GRAMD1C: variants seen among roughly 807,000 people sequenced by gnomAD.
GRAMD1C encodes GRAM domain containing 1C, also known as protein Aster-C.
In GRAMD1C, 89 loss-of-function variants were observed where a neutral mutation model predicts 97.8. The ratio of observed to expected loss-of-function variants is 0.91; its 90% confidence interval spans 0.77 to 1.09. The LOEUF is 1.09. Ranked by LOEUF, GRAMD1C falls within the 50% of genes least tolerant of loss-of-function variation. GRAMD1C has a pLI of 0.00. For synonymous variants in GRAMD1C, 256 were observed against 267.0 expected (o/e 0.96, Z 0.40); for missense variants, 740 against 766.4 (o/e 0.97, Z 0.41).
At chr3:113,945,365 T>C (rs1450169211) in intron 17 of GRAMD1C, 33 bp from the exon 18 acceptor site, 2 of 1,367,026 alleles carry the variant, frequency 1.5e-6, no homozygotes, top group East Asian at 4.6e-5. Context: ...TTAGAAAAAT[T>C]AATCTGATTT....
At chr3:113,921,034 T>C (rs1011004090) in intron 10 of GRAMD1C, among the ~76,000 whole-genome samples, 1 of 152,164 alleles carries the variant, frequency 6.6e-6, no homozygotes, top group Non-Finnish European at 1.5e-5. Flanking sequence ...TGGTACCCAA[T>C]AGGTAGTTTT....
At chr3:113,930,194 T>A (rs1412974282) in intron 10 of GRAMD1C, among the ~76,000 whole-genome samples, 3 of 152,214 alleles carry the variant, frequency 2.0e-5, no homozygotes, top group African/African-American at 7.2e-5. Context: ...TTATGTTCCA[T>A]TGCCTTACTG....
rs1935316709 is a variant in GRAMD1C, at chr3:113,882,852, G to A, written c.540+20G>A. On this transcript the variant is annotated intron_variant, in intron 6 of 17. Coordinates refer to ENST00000358160, the MANE Select transcript of GRAMD1C (RefSeq NM_017577.5). ...GATAAGGTAAGTGTTCATACCAGAGGCAGTTGCTTATTATAAGAACCTCCT... is the reference window on the plus strand; with the variant it reads ...GATAAGGTAAGTGTTCATACCAGAGACAGTTGCTTATTATAAGAACCTCCT... The A allele has an allele frequency of 8.1e-7, 1 of 1,229,564 alleles. No homozygotes were observed. Among genetic ancestry groups the A allele is most frequent in the South Asian group, 1.3e-5 (1 of 77,400 alleles). The allele number at this position is 1,229,564 out of a possible 1,614,324, so 76.2% of individuals were successfully genotyped here.
chr3:113,897,797 C>G (rs1935998421), intron 6 of GRAMD1C: 1 of 978,528 alleles, frequency 1.0e-6, no homozygotes, highest in Non-Finnish European at 1.2e-6. Context: ...AAGGGAGAGA[C>G]TCTCCTTGGT....
rs770757111 is a variant in GRAMD1C at position 113,936,350 on chromosome 3, G to T, written c.1541G>T (p.Arg514Leu). The T allele has an allele frequency of 1.2e-6, 2 of 1,612,200 alleles. No individual in the cohort carries two copies. Among genetic ancestry groups the T allele is most frequent in the South Asian group, 1.1e-5 (1 of 91,058 alleles). ...CTTACTGGCCTACGAAGGAGAAGGC[G>T]AACCTTCAACCGAACAGCAGAAACA... ...GKLTGLRRRR[R>L]TFNRTAETVP... Residue 514 changes from arginine to leucine, a missense_variant, in exon 14 of 18, where the codon CGA becomes CTA. Physicochemically the swap from Arg to Leu is moderately radical, Grantham distance 102 (BLOSUM62 -2). Transcript: ENST00000358160.
chr3:113,885,494 T>C (rs1935440034), intron 6 of GRAMD1C: 1 of 1,605,610 alleles, frequency 6.2e-7, no homozygotes, highest in Admixed American at 1.7e-5. Context: ...ATCCTGGTGC[T>C]GGATCTGGAT....
At chr3:113,931,503 C>T (rs1001687772) in intron 11 of GRAMD1C, among the ~76,000 whole-genome samples, 11 of 151,886 alleles carry the variant, frequency 7.2e-5, no homozygotes, top group South Asian at 4.2e-4. Context: ...GGATTACAGG[C>T]GCACGCCACC....
In GRAMD1C at chr3:113,875,831, A is replaced by G. The variant is rs369129443; in HGVS notation, c.363+244A>G. ...TTTAATTGAAAAAAAGCTTGAACAT[A>G]TATCTTAATGGCTGCCAAAACCATG... On this transcript the variant is annotated intron_variant, in intron 4 of 17. Coordinates refer to ENST00000358160, the MANE Select transcript of GRAMD1C (RefSeq NM_017577.5). 2.0e-5 allele frequency: 8 copies of G among 405,540 alleles called. No individual in the cohort carries two copies. In the South Asian group the frequency reaches 4.2e-4, roughly 21 times the overall value. 25.1% of individuals were successfully genotyped at this position (405,540 alleles called of 1,614,324 possible).
upstream of GRAMD1C, among the ~76,000 whole-genome samples, chr3:113,833,949 C>G (rs1305035081): frequency 1.3e-5 from 2 of 152,138 alleles, no homozygotes; most frequent in Non-Finnish European, 2.9e-5. Context: ...CACAGAATTC[C>G]AAATTCTAAT....
At chr3:113,874,412 G>C (rs1325192717) in intron 3 of GRAMD1C, among the ~76,000 whole-genome samples, 1 of 151,594 alleles carries the variant, frequency 6.6e-6, no homozygotes, top group Non-Finnish European at 1.5e-5. Context: ...GGAGTGGCAC[G>C]ATCTTGGCTC....
intron 6 of GRAMD1C, chr3:113,885,605 T>C: frequency 1.3e-6 from 2 of 1,527,814 alleles, no homozygotes; most frequent in Non-Finnish European, 1.8e-6. Flanking sequence ...ACAAACATTC[T>C]GTCCGGTTTT....
chr3:113,911,190 G>GCA (rs1936561452), intron 9 of GRAMD1C, among the ~76,000 whole-genome samples: 2 of 7,022 alleles, frequency 2.8e-4, no homozygotes, highest in Admixed American at 2.3e-3. Context: ...ACACACACAC[G>GCA]CACACGAGAG....
chr3:113,831,173 A>G (rs374180386), intron 1 of GRAMD1C, among the ~76,000 whole-genome samples: 15 of 152,316 alleles, frequency 9.8e-5, no homozygotes, highest in African/African-American at 3.1e-4. Context: ...TGTCCCAGTA[A>G]TGTTCTTTAT....
chr3:113,886,099 A>T (rs1935466378), intron 6 of GRAMD1C: 2 of 1,487,900 alleles, frequency 1.3e-6, no homozygotes, highest in African/African-American at 1.4e-5. Context: ...AGCCCTTGGG[A>T]TGCCATCTGA....
rs1028157410 is a variant in GRAMD1C at position 113,941,914 on chromosome 3, C to T, written c.1908+1569C>T. Among the ~76,000 whole-genome samples, 7 of 150,472 alleles carry T rather than the reference C, an allele frequency of 4.7e-5. No individual in the cohort carries two copies. In the East Asian group the frequency reaches 7.7e-4, roughly 17 times the overall value. ...GATTAAAGGCATGAGCCACCGTGCC[C>T]GGCCATCTTTTTTTTTTTTGAGACA... On this transcript the variant is annotated intron_variant, in intron 17 of 17. Transcript: ENST00000358160.
intron 10 of GRAMD1C, among the ~76,000 whole-genome samples, chr3:113,928,808 C>CT (rs1167825957): frequency 6.6e-6 from 1 of 152,118 alleles, no homozygotes; most frequent in Non-Finnish European, 1.5e-5. Flanking sequence ...GAATGTATTC[C>CT]TTTTTTAAAG....
At chr3:113,928,221 T>C (rs1203535559) in intron 10 of GRAMD1C, among the ~76,000 whole-genome samples, 1 of 152,138 alleles carries the variant, frequency 6.6e-6, no homozygotes, top group Non-Finnish European at 1.5e-5. Context: ...TCTTAGATGA[T>C]CAGCTAGTAG....
intron 10 of GRAMD1C, among the ~76,000 whole-genome samples, chr3:113,917,615 C>G (rs1359805272): frequency 1.3e-5 from 2 of 152,110 alleles, no homozygotes; most frequent in Admixed American, 1.3e-4. Context: ...AGCCACTGCA[C>G]CCAGCCGCAA....
chr3:113,930,934 G>A, intron 11 of GRAMD1C, 102 bp downstream of exon 11: 1 of 623,042 alleles, frequency 1.6e-6, no homozygotes. Flanking sequence ...ATAAACAAGT[G>A]GCAAGAAAAA....
Sources: allele counts gnomAD v4.1 joint callset (sites outside exome capture counted in the v4.1 genomes callset), GRCh38; gene constraint gnomAD v4.1.1; transcripts MANE v1.5; gene names NCBI Gene and HGNC (gene_info 2026-07-23, HGNC 2026-07-21).